The following NEURL4 variants were observed in gnomAD, a reference collection of about 807,000 sequenced individuals.
NEURL4 encodes the protein neuralized E3 ubiquitin protein ligase 4, also known as neuralized-like protein 4.
A neutral mutation model predicts 148.0 loss-of-function variants in NEURL4; 45 were observed. The ratio of observed to expected loss-of-function variants is 0.30; its 90% CI spans 0.24 to 0.39. NEURL4 has a LOEUF of 0.39. Ranked by LOEUF, NEURL4 falls within the 10% of genes least tolerant of loss-of-function variation. NEURL4 has a pLI of 1.00. For missense variants in NEURL4, 1,776 were observed against 2,144.0 expected (o/e 0.83, Z 3.39); for synonymous variants, 854 against 869.0 (o/e 0.98, Z 0.30).
chr17:7,317,356 G>C lies in NEURL4; in HGVS notation c.4333C>G (p.Leu1445Val). Residue 1445 changes from leucine (L) to valine (V), a missense_variant, in exon 28 of 29, where the codon CTG (leucine) becomes GTG (valine). Coordinates refer to ENST00000399464, the MANE Select transcript of NEURL4 (RefSeq NM_032442.3). ...GELGAGTASI[L>V]SCRPLKGEPG... is the part of the protein sequence containing the mutation. ...TCTCCCTTCAAAGGACGGCAGCTCA[G>C]GATGGAGGCAGTACCTGGGAGGAGA... The C allele has an allele frequency of 6.4e-7, 1 of 1,568,146 alleles. No homozygotes were observed. Among genetic ancestry groups the C allele is most frequent in the Non-Finnish European group, 8.7e-7 (1 of 1,155,002 alleles).
intron 21 of NEURL4, among the ~76,000 whole-genome samples, chr17:7,319,991 G>A (rs976002373): frequency 2.3e-4 from 35 of 151,616 alleles, no homozygotes; most frequent in Non-Finnish European, 4.0e-4. Context: ...CACCACGCCC[G>A]GCTAATTTTT....
At chr17:7,317,669 C>T in intron 26 of NEURL4, 96 bp from the exon 27 acceptor site, 3 of 1,548,550 alleles carry the variant, frequency 1.9e-6, no homozygotes, top group Non-Finnish European at 1.8e-6. Context: ...AAGTCCCTGG[C>T]ACTTCCTGGC....
rs757388895 is a variant in NEURL4 at position 7,327,792 on chromosome 17, C to T, written c.375G>A (p.Gly125=). The change falls in exon 2 of 29, where the codon GGG becomes GGA. Residue 125 remains glycine (G), a synonymous_variant. Transcript: ENST00000399464. This position sits in a 1 kb window ranked among gnomAD's most constrained non-coding sequence, Gnocchi z 6.6. ...AGCAGCCCGACACTACCCACGAGCC[C>T]CCCTTCAGGCCCGTGGCACTGCTTG... ...DFPSSATGLK[G]GSWVVSGCSV... 3.7e-6 allele frequency: 6 copies of T among 1,613,880 alleles called. No individual in the cohort carries two copies. In the Admixed American group the frequency reaches 1.0e-4, roughly 27 times the overall value.
In NEURL4 at chr17:7,322,204, C is replaced by G. The variant is rs569939210; in HGVS notation, c.2726-194G>C. On this transcript the variant is annotated intron_variant, in intron 16 of 28. Transcript: ENST00000399464. The surrounding 1 kb of genome is among the most constrained non-coding windows in gnomAD (Gnocchi z 5.5). ...GCAGAGTCTCGCTCTGTCACTCAGG[C>G]TGGAGTGCAGGGGCACAGTCGTGGC... Among the ~76,000 whole-genome samples the G allele has an allele frequency of 6.6e-4, 100 of 152,288 alleles. 1 individual carries two copies. The Middle Eastern group carries it at 0.014, about 21-fold the overall frequency.
At position 7,324,078 on chromosome 17, in the gene NEURL4, C is replaced by CCCCCAG. The variant is rs1567621672; in HGVS notation, c.2062+24_2062+29dup. ...CTCAGACCTCCCAAGGCCACCCTAA[C>CCCCCAG]CCCCAGCCCCAGCCCAGCCCGGCCC... On this transcript the variant is annotated intron_variant, in intron 11 of 28. Coordinates refer to ENST00000399464, the MANE Select transcript of NEURL4 (RefSeq NM_032442.3). The surrounding 1 kb of genome is among the most constrained non-coding windows in gnomAD (Gnocchi z 5.9). 2 of 1,610,272 alleles carry CCCCCAG rather than the reference C, an allele frequency of 1.2e-6. No homozygotes were observed. The highest frequency in any genetic ancestry group is 1.7e-6 in the Non-Finnish European group (2 of 1,179,554).
In NEURL4 at chr17:7,318,230, G is replaced by C; in HGVS notation, c.3952+39C>G. On this transcript the variant is annotated intron_variant, in intron 24 of 28. Coordinates refer to ENST00000399464, the MANE Select transcript of NEURL4 (RefSeq NM_032442.3). This position sits in a 1 kb window ranked among gnomAD's most constrained non-coding sequence, Gnocchi z 4.3. ...CTGGGCTAGAAGGGTGAGGGTGGGG[G>C]AGTAGGGGCAGGAGCTGGGTCCCTT... is the stretch of plus-strand genomic sequence containing the variant. 1 of 1,610,538 alleles carries C rather than the reference G, an allele frequency of 6.2e-7. No individual in the cohort carries two copies. Among genetic ancestry groups the C allele is most frequent in the Non-Finnish European group, 8.5e-7 (1 of 1,176,710 alleles).
chr17:7,317,965 T>C (rs2072973242), intron 25 of NEURL4, 33 bp from the exon 26 acceptor site: 1 of 1,613,704 alleles, frequency 6.2e-7, no homozygotes, highest in African/African-American at 1.3e-5. Flanking sequence ...CTTGGTGCTG[T>C]GGCTCCCACC....
chr17:7,326,315 G>A lies in NEURL4; in HGVS notation c.1233C>T (p.Ile411=), dbSNP rs1173934282. ...SGTIMMSGCG[I]LTNGKGTRRE... is the part of the protein sequence containing the mutation. ...GGCGGGTGCCCTTGCCATTGGTCAG[G>A]ATTCCACAGCCGCTCATCATGATGG... is the stretch of plus-strand genomic sequence containing the variant. Residue 411 remains isoleucine, a synonymous_variant, in exon 6 of 29, where the codon ATC becomes ATT. Transcript: ENST00000399464. The surrounding 1 kb of genome is among the most constrained non-coding windows in gnomAD (Gnocchi z 6.0). 8 of 1,614,174 alleles carry A rather than the reference G, an allele frequency of 5.0e-6. No homozygotes were observed. The highest frequency in any genetic ancestry group is 6.8e-6 in the Non-Finnish European group (8 of 1,180,018).
Position 7,325,397 on chromosome 17 carries a change from G to A in NEURL4, c.1443C>T (p.Ile481=), listed in dbSNP as rs780708389. Reference sequence around the variant, plus strand: ...GGTCACTGTGGTTGTTATTGTGGACGATGGTCACCTTCACTGCCATCCCGT... The same window carrying A: ...GGTCACTGTGGTTGTTATTGTGGACAATGGTCACCTTCACTGCCATCCCGT... ...DLYGMAVKVT[I]VHNNNHSDRL... is the part of the protein sequence containing the mutation. The change falls in exon 8 of 29, where the codon ATC becomes ATT. Residue 481 remains isoleucine, a synonymous_variant. Coordinates refer to ENST00000399464, the MANE Select transcript of NEURL4 (RefSeq NM_032442.3). The A allele has an allele frequency of 1.4e-5, 23 of 1,612,998 alleles. No homozygotes were observed. Among genetic ancestry groups the A allele is most frequent in the Non-Finnish European group, 1.8e-5 (21 of 1,179,990 alleles).
At chr17:7,320,698 G>T (rs575260388) in intron 21 of NEURL4, 61 bp downstream of exon 21, 235 of 1,502,566 alleles carry the variant, frequency 1.6e-4, no homozygotes, top group Non-Finnish European at 2.0e-4. Context: ...CTTTTTTCAG[G>T]GGGGTTGGCC....
rs746027595 is a variant in NEURL4 at position 7,326,560 on chromosome 17, G to A, written c.1093-12C>T. 6.2e-7 allele frequency: 1 copy of A among 1,612,686 alleles called. No homozygotes were observed. On this transcript the variant is annotated splice_polypyrimidine_tract_variant and intron_variant, in intron 4 of 28. Coordinates refer to ENST00000399464, the MANE Select transcript of NEURL4 (RefSeq NM_032442.3). The surrounding 1 kb of genome is among the most constrained non-coding windows in gnomAD (Gnocchi z 6.0). ...TTGTCGATACGGATCTGGCATTGAG[G>A]GACAGAAGGGAGAAGCAGGGAATGT...
rs536595561 is a variant in NEURL4 at position 7,327,635 on chromosome 17, A to C, written c.532T>G (p.Cys178Gly). The change falls in exon 2 of 29, where the codon TGC becomes GGC. Residue 178 changes from cysteine (C) to glycine (G), a missense_variant. Cys to Gly is a radical substitution (Grantham distance 159). Transcript: ENST00000399464. This position sits in a 1 kb window ranked among gnomAD's most constrained non-coding sequence, Gnocchi z 6.6. ...GGCAGGCCTGTGGCAGCCACACCGC[A>C]ATCCCGCCCATTCACCCAGAGCCGA... ...ELRLWVNGRD[C>G]GVAATGLPPR... 2 of 1,613,334 alleles carry C rather than the reference A, an allele frequency of 1.2e-6. No individual in the cohort carries two copies. The highest frequency in any genetic ancestry group is 1.3e-5 in the African/African-American group (1 of 75,048).
rs369653182 is a variant in NEURL4 at position 7,318,529 on chromosome 17, T to A, written c.3830A>T (p.His1277Leu). 1 of 1,612,256 alleles carries A rather than the reference T, an allele frequency of 6.2e-7. No homozygotes were observed. The change falls in exon 23 of 29, where the codon CAT (histidine) becomes CTT (leucine). Residue 1277 changes from histidine (H) to leucine (L), a missense_variant. Transcript: ENST00000399464. This position sits in a 1 kb window ranked among gnomAD's most constrained non-coding sequence, Gnocchi z 4.3. Reference protein sequence around the residue: ...VAVPDVPQPCHALVDLYGQCE... With the variant: ...VAVPDVPQPCLALVDLYGQCE... ...CTGCCCATAGAGGTCCACAAGCGCA[T>A]GGCAGGGCTGGGGCACATCTGGCAC...
In NEURL4 at chr17:7,327,926, C is replaced by G; in HGVS notation, c.283-42G>C. The G allele has an allele frequency of 6.9e-7, 1 of 1,448,520 alleles. No individual in the cohort carries two copies. The highest frequency in any genetic ancestry group is 9.3e-7 in the Non-Finnish European group (1 of 1,071,552). 89.7% of individuals were successfully genotyped at this position (1,448,520 alleles called of 1,614,324 possible). A position where few individuals can be genotyped will look rare whatever the true frequency, so the allele number is the denominator to read the frequency against. On this transcript the variant is annotated intron_variant, in intron 1 of 28. Coordinates refer to ENST00000399464, the MANE Select transcript of NEURL4 (RefSeq NM_032442.3). The surrounding 1 kb of genome is among the most constrained non-coding windows in gnomAD (Gnocchi z 6.6). ...GGACAGAGGCTTAGAATGGGCCACC[C>G]CCCATTCCACAGGCCACCATATCTT... is the stretch of plus-strand genomic sequence containing the variant.
rs991999242 is a variant in NEURL4 at position 7,326,192 on chromosome 17, C to T, written c.1293+63G>A. 4.6e-6 allele frequency: 7 copies of T among 1,512,066 alleles called. No individual in the cohort carries two copies. The highest frequency in any genetic ancestry group is 1.8e-6 in the Non-Finnish European group (2 of 1,098,068). 93.7% of individuals were successfully genotyped at this position (1,512,066 alleles called of 1,614,324 possible). A position where few individuals can be genotyped will look rare whatever the true frequency, so the allele number is the denominator to read the frequency against. The stretch of plus-strand genomic sequence containing the variant: ...TAGGAGACCCTGCTTGGTGCCCTGG[C>T]AGGGACACAGAGTACCTGTGGCTCT... On this transcript the variant is annotated intron_variant, in intron 6 of 28. Transcript: ENST00000399464. The surrounding 1 kb of genome is among the most constrained non-coding windows in gnomAD (Gnocchi z 6.0).
Position 7,318,552 on chromosome 17 carries a change from C to T in NEURL4, c.3807G>A (p.Val1269=), listed in dbSNP as rs762235879. 7 of 1,613,438 alleles carry T rather than the reference C, an allele frequency of 4.3e-6. No individual in the cohort carries two copies. Among genetic ancestry groups the T allele is most frequent in the Admixed American group, 1.7e-5 (1 of 59,892 alleles). Residue 1269 remains valine (V), a synonymous_variant, in exon 23 of 29, where the codon GTG becomes GTA. Coordinates refer to ENST00000399464, the MANE Select transcript of NEURL4 (RefSeq NM_032442.3). This position sits in a 1 kb window ranked among gnomAD's most constrained non-coding sequence, Gnocchi z 4.3. ...HVNGVDQGVA[V]PDVPQPCHAL... ...CATGGCAGGGCTGGGGCACATCTGG[C>T]ACAGCTACCCCCTGGTCCACCCCAT... is the stretch of plus-strand genomic sequence containing the variant.
rs1302877181 is a variant in NEURL4 at position 7,326,471 on chromosome 17, C to G, written c.1170G>C (p.Leu390Phe). 5.0e-6 allele frequency: 8 copies of G among 1,614,140 alleles called. No homozygotes were observed. Among genetic ancestry groups the G allele is most frequent in the Non-Finnish European group, 6.8e-6 (8 of 1,180,008 alleles). ...IGVTTHNPNS[L>F]EYPATMTNLQ... ...GGTTGGTCATGGTGGCTGGGTACTC[C>G]AAACTGTTGGGGTTGTGGGTGGTGA... Residue 390 changes from leucine (L) to phenylalanine (F), a missense_variant, in exon 5 of 29, where the codon TTG becomes TTC. Coordinates refer to ENST00000399464, the MANE Select transcript of NEURL4 (RefSeq NM_032442.3). The surrounding 1 kb of genome is among the most constrained non-coding windows in gnomAD (Gnocchi z 6.0).
chr17:7,322,724 T>C lies in NEURL4; in HGVS notation c.2725+11A>G. The C allele has an allele frequency of 1.2e-6, 2 of 1,609,118 alleles. No homozygotes were observed. Among genetic ancestry groups the C allele is most frequent in the Non-Finnish European group, 1.7e-6 (2 of 1,179,466 alleles). The stretch of plus-strand genomic sequence containing the variant: ...AGCAGAGCCCGTCCAGCCCCCGCCC[T>C]GCTGCCGCACCTGGGGAGTGCAGTG... On this transcript the variant is annotated intron_variant, in intron 16 of 28. Transcript: ENST00000399464. The surrounding 1 kb of genome is among the most constrained non-coding windows in gnomAD (Gnocchi z 5.5).
chr17:7,319,403 T>TAA (rs71157274), intron 21 of NEURL4, among the ~76,000 whole-genome samples, 195 bp from the exon 22 acceptor site: 4,760 of 131,116 alleles, frequency 0.036, 153 homozygotes, highest in Admixed American at 0.058. Context: ...TTTTTTTTTT[T>TAA]AAAAAAAAGA....
Sources: gnomAD v4.1 joint callset for allele counts (sites outside exome capture counted in the v4.1 genomes callset) on GRCh38, gnomAD v4.1.1 for gene constraint, Gnocchi (gnomAD v3.1) non-coding constraint, MANE v1.5 for transcripts, NCBI Gene and HGNC (gene_info 2026-07-23, HGNC 2026-07-21) for gene names.